TECTA: variants seen among roughly 807,000 people sequenced by gnomAD.
TECTA encodes the protein alpha-tectorin.
TECTA carries 128 observed loss-of-function variants against 216.8 expected under a neutral mutation model. That is an observed-to-expected ratio of 0.59 (90% CI 0.51 to 0.68). The LOEUF is 0.68. TECTA is among the 30% of genes least tolerant of loss of function. TECTA has a pLI of 0.00. For missense variants in TECTA, 2,551 were observed against 2,786.2 expected, an observed-to-expected ratio of 0.92 and a Z score of 1.90; for synonymous variants, 1,089 against 1,117.1, an observed-to-expected ratio of 0.97 and a Z score of 0.50.
At chr11:121,102,136 G>A (rs1180242947) in intron 1 of TECTA, among the ~76,000 whole-genome samples, 6 of 152,142 alleles carry the variant, frequency 3.9e-5, no homozygotes, top group Non-Finnish European at 5.9e-5. Context: ...ATGATGGATC[G>A]GCTCCATTCT....
intron 15 of TECTA, 97 bp downstream of exon 15, chr11:121,160,518 C>A: frequency 6.6e-7 from 1 of 1,506,952 alleles, no homozygotes; most frequent in Non-Finnish European, 9.1e-7. Context: ...CTTAGCACTG[C>A]CCCTGCTCTC....
intron 20 of TECTA, among the ~76,000 whole-genome samples, chr11:121,175,060 C>T (rs904212356): frequency 2.4e-4 from 36 of 151,944 alleles, no homozygotes; most frequent in African/African-American, 7.5e-4. Flanking sequence ...TTTTTTATTG[C>T]GTCTATTTGA....
intron 8 of TECTA, 28 bp downstream of exon 8, chr11:121,125,900 G>T (rs1408465091): frequency 3.1e-6 from 5 of 1,600,192 alleles, no homozygotes; most frequent in African/African-American, 2.7e-5. Context: ...CCCCATGACA[G>T]GTCTCTCTTG....
chr11:121,174,509 A>G (rs997702538), intron 20 of TECTA, among the ~76,000 whole-genome samples: 1 of 152,196 alleles, frequency 6.6e-6, no homozygotes, highest in Non-Finnish European at 1.5e-5. Flanking sequence ...ATTTATGTAT[A>G]TTGAACCAGC....
chr11:121,124,420 G>A (rs1441926264), intron 7 of TECTA, among the ~76,000 whole-genome samples: 2 of 152,064 alleles, frequency 1.3e-5, no homozygotes, highest in Admixed American at 6.6e-5. Context: ...CTCTTGTCCT[G>A]GATTTCTCTG....
At chr11:121,121,115 C>G (rs1303544260) in intron 7 of TECTA, among the ~76,000 whole-genome samples, 1 of 152,218 alleles carries the variant, frequency 6.6e-6, no homozygotes, top group Non-Finnish European at 1.5e-5. Flanking sequence ...AGCCCCCATC[C>G]TCAATTTCCT....
intron 18 of TECTA, among the ~76,000 whole-genome samples, chr11:121,167,048 G>A (rs1947061465): frequency 1.3e-5 from 2 of 152,336 alleles, no homozygotes; most frequent in South Asian, 4.1e-4. Flanking sequence ...ACAGGATTGT[G>A]TCTTCTTTTC....
chr11:121,132,395 C>G (rs1391804338), intron 10 of TECTA, among the ~76,000 whole-genome samples: 1 of 152,212 alleles, frequency 6.6e-6, no homozygotes, highest in African/African-American at 2.4e-5. Context: ...ACGATGTACT[C>G]CGGGCTCATC....
chr11:121,107,314 G>A (rs188528212), intron 3 of TECTA, among the ~76,000 whole-genome samples: 1 of 152,328 alleles, frequency 6.6e-6, no homozygotes, highest in African/African-American at 2.4e-5. Context: ...CCTTGCAACA[G>A]GAGGTTCCTT....
rs876658015 is a variant in TECTA at position 121,105,953 on chromosome 11, C to T, written c.187C>T (p.Arg63Cys). The T allele has an allele frequency of 2.5e-6, 4 of 1,614,160 alleles. No homozygotes were observed. Among genetic ancestry groups the T allele is most frequent in the South Asian group, 1.1e-5 (1 of 91,078 alleles). Residue 63 changes from arginine (R) to cysteine (C), a missense_variant, in exon 3 of 24, where the codon CGC becomes TGC. Arg to Cys is a radical substitution (Grantham distance 180). Around this residue, in one of 3 missense-constraint regions of TECTA, gnomAD observed 2,375 missense variants for 2,563.9 expected, o/e 0.93. Transcript: ENST00000392793. This position sits in a 1 kb window ranked among gnomAD's most constrained non-coding sequence, Gnocchi z 5.3. The part of the protein sequence containing the change: ...IPVFFFGVPY[R>C]TVYVNNNGVV... ...AGTTTTCTTCTTTGGCGTTCCTTAC[C>T]GCACTGTCTATGTAAGTGGAGAAGC...
rs1946620593 is a variant in TECTA at position 121,127,125 on chromosome 11, G to A, written c.1775-627G>A. On this transcript the variant is annotated intron_variant, in intron 8 of 23. Transcript: ENST00000392793. The surrounding 1 kb of genome is among the most constrained non-coding windows in gnomAD (Gnocchi z 5.0). ...ACCGAAGATTTCTAAGGCAAGAAGG[G>A]CCTTTAGAAGACATCTTACCTTGTC... Among the ~76,000 whole-genome samples, 1 of 152,162 alleles carries A rather than the reference G, an allele frequency of 6.6e-6. No homozygotes were observed. The highest frequency in any genetic ancestry group is 2.4e-5 in the African/African-American group (1 of 41,434).
At chr11:121,154,410 G>C (rs1946921893) in intron 13 of TECTA, among the ~76,000 whole-genome samples, 1 of 152,184 alleles carries the variant, frequency 6.6e-6, no homozygotes, top group Non-Finnish European at 1.5e-5. Flanking sequence ...GTGTTGAAAT[G>C]AGCTCTTAGA....
At chr11:121,132,288 T>C (rs1946682118) in intron 10 of TECTA, among the ~76,000 whole-genome samples, 1 of 152,232 alleles carries the variant, frequency 6.6e-6, no homozygotes, top group Non-Finnish European at 1.5e-5. Context: ...CATAATTTGT[T>C]TTATGCTCAA....
intron 14 of TECTA, 109 bp from the exon 15 acceptor site, chr11:121,160,026 G>A: frequency 7.9e-7 from 1 of 1,267,606 alleles, no homozygotes; most frequent in South Asian, 1.2e-5. Flanking sequence ...CGTTGAGACA[G>A]AGATCACAGG....
At chr11:121,177,603 G>T (rs1217744638) in intron 20 of TECTA, among the ~76,000 whole-genome samples, 2 of 152,356 alleles carry the variant, frequency 1.3e-5, no homozygotes, top group East Asian at 3.9e-4. Flanking sequence ...GTGCCTCCCA[G>T]TTAGGCTGCT....
intron 16 of TECTA, among the ~76,000 whole-genome samples, chr11:121,164,597 G>A (rs910783230): frequency 2.0e-5 from 3 of 152,072 alleles, no homozygotes; most frequent in African/African-American, 7.2e-5. Context: ...CATCTTTATT[G>A]TACTTATAGT....
chr11:121,113,231 C>G lies in TECTA; in HGVS notation c.624+22C>G. ...ACAGGTAGGTGGCTCTCCACTTCAT[C>G]CCCCGCGTGTTTCCGTCGCTGCACT... On this transcript the variant is annotated intron_variant, in intron 5 of 23. Coordinates refer to ENST00000392793, the MANE Select transcript of TECTA (RefSeq NM_005422.4). The surrounding 1 kb of genome is among the most constrained non-coding windows in gnomAD (Gnocchi z 4.2). 6.2e-7 allele frequency: 1 copy of G among 1,613,736 alleles called. No individual in the cohort carries two copies. Among genetic ancestry groups the G allele is most frequent in the African/African-American group, 1.3e-5 (1 of 75,016 alleles).
Position 121,118,551 on chromosome 11 carries a change from T to C in TECTA, c.1036T>C (p.Tyr346His). ...CTTCCACTTCCAAGGCTCCTGTGCCTACTTGCTGGCCCGACAGTGTTTGCA... is the reference window on the plus strand; with the variant it reads ...CTTCCACTTCCAAGGCTCCTGTGCCCACTTGCTGGCCCGACAGTGTTTGCA... ...FLFHFQGSCA[Y>H]LLARQCLQTS... Residue 346 changes from tyrosine (Y) to histidine (H), a missense_variant, in exon 7 of 24, where the codon TAC becomes CAC. Physicochemically the swap from Tyr to His is moderately conservative, Grantham distance 83. Transcript: ENST00000392793. 4.3e-6 allele frequency: 7 copies of C among 1,614,216 alleles called. No homozygotes were observed. The highest frequency in any genetic ancestry group is 5.9e-6 in the Non-Finnish European group (7 of 1,180,034).
Position 121,109,244 on chromosome 11 carries a change from C to G in TECTA, c.232C>G (p.Leu78Val). 1 of 1,614,154 alleles carries G rather than the reference C, an allele frequency of 6.2e-7. No individual in the cohort carries two copies. ...CAACGGAGTTGTTTCCTTCAATGTG[C>G]TAGTGAGCCAGTTCACGCCAGAATC... The part of the protein sequence containing the change: ...NNNGVVSFNV[L>V]VSQFTPESFP... Residue 78 changes from leucine (L) to valine (V), a missense_variant, in exon 4 of 24, where the codon CTA (leucine) becomes GTA (valine). Coordinates refer to ENST00000392793, the MANE Select transcript of TECTA (RefSeq NM_005422.4).
Sources: allele counts gnomAD v4.1 joint callset (sites outside exome capture counted in the v4.1 genomes callset), GRCh38; gene constraint gnomAD v4.1.1; regional missense constraint gnomAD v4.1.1; non-coding constraint Gnocchi (gnomAD v3.1); transcripts MANE v1.5; gene names NCBI Gene and HGNC (gene_info 2026-07-23, HGNC 2026-07-21).